RABL2A: variants seen among roughly 807,000 people sequenced by gnomAD.
RABL2A encodes the protein RAB, member of RAS oncogene family like 2A.
Under a neutral mutation model 30.7 loss-of-function variants are expected in RABL2A, and 17 were observed. The ratio of observed to expected loss-of-function variants is 0.55; its 90% CI spans 0.38 to 0.83. The LOEUF is 0.83. Among genes scored for constraint, RABL2A ranks in the 40% least tolerant of loss-of-function variants. The pLI is 0.00. For synonymous variants in RABL2A, 64 were observed against 101.8 expected (o/e 0.63, Z 2.24); for missense variants, 155 against 272.6 (o/e 0.57, Z 3.04).
chr2:113,629,604 G>A (rs1369750092), intron 2 of RABL2A, among the ~76,000 whole-genome samples: 1 of 150,876 alleles, frequency 6.6e-6, no homozygotes, highest in Non-Finnish European at 1.5e-5. Flanking sequence ...ACGTGATCTC[G>A]GCTCACTGCA....
intron 5 of RABL2A, chr2:113,638,088 A>G: frequency 5.1e-6 from 5 of 985,448 alleles, no homozygotes; most frequent in Non-Finnish European, 6.0e-6. Context: ...CAAGGAACAG[A>G]TGCTCAGGAA....
intron 2 of RABL2A, among the ~76,000 whole-genome samples, chr2:113,630,339 A>G (rs1019387039): frequency 1.1e-4 from 16 of 152,152 alleles, no homozygotes; most frequent in African/African-American, 3.6e-4. Context: ...ACTACTGCCA[A>G]TTTTCAGTAT....
intron 5 of RABL2A, chr2:113,640,640 G>A (rs1684779026): frequency 2.1e-6 from 1 of 478,722 alleles, no homozygotes; most frequent in South Asian, 2.1e-5. Context: ...ACCTCCCAAA[G>A]TGCTGGGATT....
At chr2:113,636,839 A>G (rs1181818224) in intron 5 of RABL2A, among the ~76,000 whole-genome samples, 2 of 152,018 alleles carry the variant, frequency 1.3e-5, no homozygotes, top group African/African-American at 4.8e-5. Context: ...ATACAAAAAA[A>G]TTAGCCGGGC....
intron 1 of RABL2A, among the ~76,000 whole-genome samples, chr2:113,627,689 G>A (rs1240468438): frequency 6.6e-6 from 1 of 152,238 alleles, no homozygotes; most frequent in African/African-American, 2.4e-5. Flanking sequence ...ATGCCGAGGA[G>A]GGAGGATCGC....
At chr2:113,632,363 A>G (rs560845154) in intron 2 of RABL2A, among the ~76,000 whole-genome samples, 1 of 152,334 alleles carries the variant, frequency 6.6e-6, no homozygotes, top group South Asian at 2.1e-4. Context: ...CCACATTCAG[A>G]ATAGATGGTC....
At chr2:113,628,248 G>A in intron 1 of RABL2A, 2 of 263,590 alleles carry the variant, frequency 7.6e-6, no homozygotes, top group Non-Finnish European at 1.4e-5. Flanking sequence ...ATATTTAGGT[G>A]TGAGGAGAGT....
chr2:113,638,396 G>A, intron 5 of RABL2A: 2 of 985,416 alleles, frequency 2.0e-6, no homozygotes, highest in African/African-American at 1.7e-5. Context: ...TTACAGGGTG[G>A]TGGTTGTCTG....
intron 4 of RABL2A, chr2:113,634,457 C>T: frequency 1.7e-6 from 1 of 580,210 alleles, no homozygotes; most frequent in Admixed American, 3.0e-5. Flanking sequence ...CAGGCCAGCA[C>T]CTGTGCAGGA....
At chr2:113,628,345 A>G (rs1573916630) in intron 1 of RABL2A, 1 of 345,934 alleles carries the variant, frequency 2.9e-6, no homozygotes, top group East Asian at 6.0e-5. Context: ...CGTGAGGAGC[A>G]GCATTTGGGG....
At chr2:113,635,016 C>T (rs1297156355) in intron 4 of RABL2A, 35 bp from the exon 5 acceptor site, 2 of 1,614,044 alleles carry the variant, frequency 1.2e-6, no homozygotes, top group Non-Finnish European at 1.7e-6. Flanking sequence ...CAGAAATGCA[C>T]CAGGCATGTA....
At chr2:113,640,632 C>T (rs1245605518) in intron 5 of RABL2A, 3 of 469,094 alleles carry the variant, frequency 6.4e-6, no homozygotes, top group Admixed American at 3.6e-5. Context: ...CCGCCTCAAC[C>T]TCCCAAAGTG....
At chr2:113,635,864 T>G (rs1413409043) in intron 5 of RABL2A, among the ~76,000 whole-genome samples, 1 of 150,224 alleles carries the variant, frequency 6.7e-6, no homozygotes, top group African/African-American at 2.5e-5. Flanking sequence ...CCCAGCACTT[T>G]GGGAGGCCAA....
At chr2:113,632,094 G>T (rs930879733) in intron 2 of RABL2A, among the ~76,000 whole-genome samples, 2 of 152,116 alleles carry the variant, frequency 1.3e-5, no homozygotes, top group African/African-American at 4.8e-5. Flanking sequence ...GGGAAAAAAG[G>T]TTGCAATGTC....
chr2:113,638,468 C>T (rs1277651481), intron 5 of RABL2A: 2 of 985,248 alleles, frequency 2.0e-6, no homozygotes. Context: ...GGAGGAGCTC[C>T]TGTGAAGGGC....
intron 3 of RABL2A, 22 bp downstream of exon 3, chr2:113,632,966 ACTC>A: frequency 6.2e-7 from 1 of 1,613,886 alleles, no homozygotes; most frequent in South Asian, 1.1e-5. Context: ...GGTTTGAAGT[ACTC>A]CTTGTTCCTG....
intron 5 of RABL2A, 144 bp from the exon 6 acceptor site, chr2:113,640,750 C>T (rs1031112600): frequency 2.2e-5 from 30 of 1,352,740 alleles, no homozygotes; most frequent in East Asian, 1.3e-4. Context: ...GCAGCCTCTG[C>T]GGTCAGAGAG....
At chr2:113,629,047 G>A (rs1184690036) in intron 2 of RABL2A, among the ~76,000 whole-genome samples, 3 of 151,310 alleles carry the variant, frequency 2.0e-5, no homozygotes, top group African/African-American at 7.3e-5. Flanking sequence ...CTATGCCACC[G>A]TGACAGATTG....
At chr2:113,629,942 T>C (rs1667099) in intron 2 of RABL2A, among the ~76,000 whole-genome samples, 54,437 of 151,854 alleles carry the variant, frequency 0.36, 11,497 homozygotes, top group African/African-American at 0.59. Flanking sequence ...CAATAAATAA[T>C]ACCCCCTTTA....
Sources: allele counts gnomAD v4.1 joint callset (sites outside exome capture counted in the v4.1 genomes callset), GRCh38; gene constraint gnomAD v4.1.1; transcripts MANE v1.5; gene names NCBI Gene and HGNC (gene_info 2026-07-23, HGNC 2026-07-21).